ARHGAP29: variants seen among roughly 807,000 people sequenced by gnomAD.
ARHGAP29 encodes the protein rho GTPase-activating protein 29.
Under a neutral mutation model 122.6 loss-of-function variants are expected in ARHGAP29, and 43 were observed. The ratio of observed to expected loss-of-function variants is 0.35; its 90% confidence interval spans 0.27 to 0.45. The LOEUF is 0.45. Ranked by LOEUF, ARHGAP29 falls within the 20% of genes least tolerant of loss-of-function variation. ARHGAP29 has a pLI of 1.00. For synonymous variants in ARHGAP29, 506 were observed against 497.1 expected (o/e 1.02, Z -0.24); for missense variants, 1,303 against 1,477.2 (o/e 0.88, Z 1.93).
At chr1:94,232,262 A>ATAT (rs1198260099) in intron 1 of ARHGAP29, among the ~76,000 whole-genome samples, 1 of 30,980 alleles carries the variant, frequency 3.2e-5, no homozygotes. Flanking sequence ...CTATCTCATG[A>ATAT]GATTGTAGGG....
chr1:94,191,641 G>A (rs1650137664), intron 12 of ARHGAP29: 1 of 152,134 alleles, frequency 6.6e-6, no homozygotes, highest in Non-Finnish European at 1.5e-5. Flanking sequence ...TGCACGCTAG[G>A]TGACCTTCAT....
At chr1:94,307,259 G>C in the ARHGAP29 span, among the ~76,000 whole-genome samples, 2 of 152,026 alleles carry the variant, frequency 1.3e-5, no homozygotes, top group African/African-American at 4.8e-5. Flanking sequence ...TAAATACTTG[G>C]TTGCCTCCCC....
chr1:94,231,396 A>T lies in ARHGAP29; in HGVS notation c.205+11T>A. The T allele has an allele frequency of 1.2e-6, 2 of 1,607,686 alleles. No homozygotes were observed. The highest frequency in any genetic ancestry group is 1.7e-4 in the Middle Eastern group (1 of 6,048). On this transcript the variant is annotated intron_variant, in intron 2 of 22. Coordinates refer to ENST00000260526, the MANE Select transcript of ARHGAP29 (RefSeq NM_004815.4). ...CTATCCAGCAAGAATGCTAATAGAA[A>T]AGTGACAAACCTGAAAATATGGCTT...
At chr1:94,174,783 C>T (rs375229784) in intron 22 of ARHGAP29, 34 bp from the exon 23 acceptor site, 14 of 1,594,916 alleles carry the variant, frequency 8.8e-6, no homozygotes, top group African/African-American at 1.3e-5. Flanking sequence ...AAGTTTGTGG[C>T]ACATGGTTAA....
rs775965690 is a variant in ARHGAP29 at position 94,188,903 on chromosome 1, T to C, written c.1615A>G (p.Ser539Gly). 12 of 1,613,220 alleles carry C rather than the reference T, an allele frequency of 7.4e-6. No individual in the cohort carries two copies. The highest frequency in any genetic ancestry group is 1.0e-5 in the Non-Finnish European group (12 of 1,179,332). Residue 539 changes from serine (S) to glycine (G), a missense_variant, in exon 15 of 23, where the codon AGT becomes GGT. This residue lies in a region of ARHGAP29 where 592 missense variants were observed against 648.2 expected (regional missense o/e 0.91). Transcript: ENST00000260526. ...FIRSWTFGMF[S>G]DSESTGGSSE... ...CTCCCTCCAGTGCTCTCAGAATCACTAAACATCCCAAATGTCCATGATCTT... is the reference window on the plus strand; with the variant it reads ...CTCCCTCCAGTGCTCTCAGAATCACCAAACATCCCAAATGTCCATGATCTT...
At chr1:94,312,894 C>G in the ARHGAP29 span, among the ~76,000 whole-genome samples, 2 of 152,200 alleles carry the variant, frequency 1.3e-5, no homozygotes, top group African/African-American at 4.8e-5. Flanking sequence ...GCTCCAGCCT[C>G]AGACCTCATC....
chr1:94,216,290 T>C (rs762536835), intron 3 of ARHGAP29, among the ~76,000 whole-genome samples: 75 of 152,136 alleles, frequency 4.9e-4, no homozygotes, highest in Admixed American at 9.8e-4. Context: ...ATATAAGGGA[T>C]TACCATACAG....
the ARHGAP29 span, among the ~76,000 whole-genome samples, chr1:94,300,230 A>G: frequency 1.3e-5 from 2 of 152,162 alleles, no homozygotes; most frequent in African/African-American, 4.8e-5. Flanking sequence ...TCTTGAATGC[A>G]TGAGTGAATG....
At chr1:94,288,335 GA>G in the ARHGAP29 span, among the ~76,000 whole-genome samples, 3 of 152,138 alleles carry the variant, frequency 2.0e-5, no homozygotes, top group Non-Finnish European at 4.4e-5. Flanking sequence ...CCCACTTTTT[GA>G]TGGGGTTGTT....
chr1:94,201,349 T>A (rs1465448521), intron 12 of ARHGAP29, among the ~76,000 whole-genome samples: 1 of 152,074 alleles, frequency 6.6e-6, no homozygotes, highest in Non-Finnish European at 1.5e-5. Flanking sequence ...ATCTGCAAAC[T>A]CAACACATTT....
At chr1:94,308,463 T>G in the ARHGAP29 span, among the ~76,000 whole-genome samples, 1 of 152,218 alleles carries the variant, frequency 6.6e-6, no homozygotes, top group South Asian at 2.1e-4. Context: ...ATTCCTTAAT[T>G]CTACAGAAAC....
At position 94,220,249 on chromosome 1, in the gene ARHGAP29, C is replaced by T. The variant is rs747587004; in HGVS notation, c.340+9G>A. 10 of 1,612,912 alleles carry T rather than the reference C, an allele frequency of 6.2e-6. No homozygotes were observed. The South Asian group carries it at 9.9e-5, about 16-fold the overall frequency. On this transcript the variant is annotated intron_variant, in intron 3 of 22. Coordinates refer to ENST00000260526, the MANE Select transcript of ARHGAP29 (RefSeq NM_004815.4). ...CCACAGCAACCCACTTTTACTATAT[C>T]TTCCTTACCTTTCACTTTTGCAGTG...
the ARHGAP29 span, chr1:94,302,857 G>A: frequency 4.3e-6 from 1 of 230,542 alleles, no homozygotes; most frequent in South Asian, 4.6e-5. Context: ...CTGAGCACCA[G>A]GCTGTCTCCT....
At chr1:94,295,797 A>ACAATGTGGAATC in the ARHGAP29 span, among the ~76,000 whole-genome samples, 29 of 152,028 alleles carry the variant, frequency 1.9e-4, no homozygotes, top group South Asian at 4.2e-4. Flanking sequence ...CTAATTCCAC[A>ACAATGTGGAATC]TTGGGGTATT....
intron 5 of ARHGAP29, among the ~76,000 whole-genome samples, chr1:94,207,099 T>C (rs1166774591): frequency 7.8e-4 from 13 of 16,590 alleles, no homozygotes; most frequent in African/African-American, 9.3e-4. Context: ...ACCTCTGCCT[T>C]CTGGGTTCAA....
At position 94,186,457 on chromosome 1, in the gene ARHGAP29, T is replaced by TTG. The variant is rs763301114; in HGVS notation, c.1780+40_1780+41dup. The TTG allele has an allele frequency of 1.2e-5, 16 of 1,365,036 alleles. No homozygotes were observed. The Admixed American group carries it at 2.8e-4, about 24-fold the overall frequency. The allele number at this position is 1,365,036 out of a possible 1,614,324, so 84.6% of individuals were successfully genotyped here. A position where few individuals can be genotyped will look rare whatever the true frequency, so the allele number is the denominator to read the frequency against. On this transcript the variant is annotated intron_variant, in intron 16 of 22. Coordinates refer to ENST00000260526, the MANE Select transcript of ARHGAP29 (RefSeq NM_004815.4). ...ATCTAATATCATGCAGTGCTACTGA[T>TTG]TGAGCTGGTTTAGTGGGACTTAATT...
In ARHGAP29 at chr1:94,244,231, A is replaced by G. The variant is rs1653708298; in HGVS notation, c.-32-12588T>C. 5.8e-5 allele frequency among the ~76,000 whole-genome samples: 8 copies of G among 139,108 alleles called. No individual in the cohort carries two copies. In the Admixed American group the frequency reaches 6.0e-4, roughly 10 times the overall value. The allele number at this position is 139,108 out of a possible 152,430, so 91.3% of individuals were successfully genotyped here. Reference sequence around the variant, plus strand: ...AAAAAAAAAACCACACACAAAAAAAACAAAAACACACACAAAAAACAAATT... The same window carrying G: ...AAAAAAAAAACCACACACAAAAAAAGCAAAAACACACACAAAAAACAAATT... On this transcript the variant is annotated intron_variant and NMD_transcript_variant, in intron 1 of 25. Transcript: ENST00000552844.
In ARHGAP29 at chr1:94,169,615, T is replaced by C. The variant is rs999954399; in HGVS notation, c.*4254A>G. Among the ~76,000 whole-genome samples, 7 of 152,210 alleles carry C rather than the reference T, an allele frequency of 4.6e-5. No individual in the cohort carries two copies. The highest frequency in any genetic ancestry group is 8.8e-5 in the Non-Finnish European group (6 of 68,042). ...AAATAGATATAGAAGTAGGTGACTA[T>C]TCTTGAATGTGTGTAGACACACGTT... is the stretch of plus-strand genomic sequence containing the variant. On this transcript the variant is annotated 3_prime_UTR_variant, in exon 23 of 23. Transcript: ENST00000260526.
chr1:94,235,589 T>C (rs1653204062), intron 1 of ARHGAP29, among the ~76,000 whole-genome samples: 1 of 152,196 alleles, frequency 6.6e-6, no homozygotes, highest in Non-Finnish European at 1.5e-5. Context: ...GAAACTTAAC[T>C]GACTCTGTGG....
Sources: allele counts gnomAD v4.1 joint callset (sites outside exome capture counted in the v4.1 genomes callset), GRCh38; gene constraint gnomAD v4.1.1; regional missense constraint gnomAD v4.1.1; transcripts MANE v1.5; gene names NCBI Gene and HGNC (gene_info 2026-07-23, HGNC 2026-07-21).